Variants in MSANTD5 observed in about 807,000 individuals in gnomAD.
MSANTD5 encodes the protein Myb/SANT DNA binding domain containing 5, also known as uncharacterized protein MSANTD5.
chr5:178,694,315 C>CAAA (rs56778816), downstream of MSANTD5, among the ~76,000 whole-genome samples: 50 of 61,480 alleles, frequency 8.1e-4, no homozygotes, highest in East Asian at 1.5e-3. Flanking sequence ...GACTCCATCT[C>CAAA]AAAAAAAAAA....
the MSANTD5 span, among the ~76,000 whole-genome samples, chr5:178,703,312 C>T: frequency 3.3e-5 from 5 of 152,164 alleles, no homozygotes; most frequent in African/African-American, 4.8e-5. Flanking sequence ...CAGTGTGATG[C>T]GCTTGGCTTG....
At chr5:178,698,062 G>C (rs374638650), upstream of MSANTD5, among the ~76,000 whole-genome samples, 8 of 152,232 alleles carry the variant, frequency 5.3e-5, 1 homozygote, top group South Asian at 1.2e-3. Context: ...GGTCAGCTTT[G>C]TCCTTAGGGT....
At chr5:178,701,402 G>A (rs1376284237), upstream of MSANTD5, among the ~76,000 whole-genome samples, 1 of 152,022 alleles carries the variant, frequency 6.6e-6, no homozygotes, top group African/African-American at 2.4e-5. Flanking sequence ...AGGGCAACAA[G>A]GTCGAATACT....
At chr5:178,692,772 T>G (rs1765370081), downstream of MSANTD5, among the ~76,000 whole-genome samples, 3 of 151,912 alleles carry the variant, frequency 2.0e-5, no homozygotes. Context: ...TGCCAGGAGT[T>G]AAGGAGGGGC....
chr5:178,692,691 T>C (rs1765369312), downstream of MSANTD5, among the ~76,000 whole-genome samples: 1 of 152,034 alleles, frequency 6.6e-6, no homozygotes, highest in East Asian at 1.9e-4. Context: ...AAAGGCTACA[T>C]ACCGTACAAT....
chr5:178,706,985 C>T, the MSANTD5 span: 1 of 152,170 alleles, frequency 6.6e-6, no homozygotes, highest in African/African-American at 2.4e-5. Flanking sequence ...TCCAAGTAAA[C>T]AGATCTCAGC....
chr5:178,695,724 TGAG>T (rs1289031552), intron 2 of MSANTD5, 126 bp from the exon 3 acceptor site: 1 of 152,200 alleles, frequency 6.6e-6, no homozygotes, highest in African/African-American at 2.4e-5. Flanking sequence ...GGACCTTAAA[TGAG>T]AAGTGAGAGA....
upstream of MSANTD5, among the ~76,000 whole-genome samples, chr5:178,699,263 C>T (rs1224165613): frequency 6.6e-6 from 1 of 152,200 alleles, no homozygotes; most frequent in African/African-American, 2.4e-5. Context: ...TGTTCACCCC[C>T]AGCATCACCT....
At chr5:178,694,672 A>G (rs1037466098) in exon 4 of MSANTD5, 6 of 152,222 alleles carry the variant, frequency 3.9e-5, no homozygotes, top group African/African-American at 1.4e-4. Context: ...TTTCTGATGA[A>G]TCAGGATCCA....
upstream of MSANTD5, among the ~76,000 whole-genome samples, chr5:178,699,236 G>T (rs1157665627): frequency 6.6e-6 from 1 of 152,178 alleles, no homozygotes; most frequent in Non-Finnish European, 1.5e-5. Context: ...GCATCTAGCA[G>T]GAGCCTGCAC....
upstream of MSANTD5, among the ~76,000 whole-genome samples, chr5:178,702,229 G>A (rs1176695525): frequency 6.6e-6 from 1 of 151,584 alleles, no homozygotes; most frequent in African/African-American, 2.4e-5. Flanking sequence ...GAGCAATGAA[G>A]TATTATGCAA....
At chr5:178,699,985 C>T (rs1466251609), upstream of MSANTD5, among the ~76,000 whole-genome samples, 2 of 152,044 alleles carry the variant, frequency 1.3e-5, no homozygotes, top group East Asian at 3.9e-4. Flanking sequence ...AGCTTCAGAT[C>T]AAGCTGATTT....
chr5:178,692,534 C>T (rs115980317), downstream of MSANTD5, among the ~76,000 whole-genome samples: 2,303 of 152,016 alleles, frequency 0.015, 94 homozygotes, highest in African/African-American at 0.053. Flanking sequence ...GGAAACATCC[C>T]GGATGTCATC....
chr5:178,695,962 G>A (rs1765408209), intron 2 of MSANTD5, 135 bp downstream of exon 2: 1 of 152,252 alleles, frequency 6.6e-6, no homozygotes, highest in East Asian at 1.9e-4. Flanking sequence ...AGGGAGCTTA[G>A]GGGATGCTGA....
chr5:178,705,007 G>A, the MSANTD5 span, among the ~76,000 whole-genome samples: 1 of 152,114 alleles, frequency 6.6e-6, no homozygotes, highest in Non-Finnish European at 1.5e-5. Context: ...AAGAGGCCAT[G>A]ACTTGCAGTG....
chr5:178,700,681 C>T (rs532574466), upstream of MSANTD5, among the ~76,000 whole-genome samples: 8 of 90,792 alleles, frequency 8.8e-5, no homozygotes, highest in Non-Finnish European at 1.8e-4. Flanking sequence ...ATCCCGAGCA[C>T]GAGGAGCTCA....
the MSANTD5 span, among the ~76,000 whole-genome samples, chr5:178,706,669 C>G: frequency 6.6e-6 from 1 of 151,222 alleles, no homozygotes; most frequent in South Asian, 2.1e-4. Context: ...GGGGAATGTC[C>G]TTCCTCCAGC....
At chr5:178,696,921 G>A (rs909735054) in intron 1 of MSANTD5, among the ~76,000 whole-genome samples, 2 of 152,138 alleles carry the variant, frequency 1.3e-5, no homozygotes, top group African/African-American at 4.8e-5. Context: ...GAAAGGAGCA[G>A]GCTGGAAAGT....
upstream of MSANTD5, among the ~76,000 whole-genome samples, chr5:178,701,774 T>TTGCTCTTTTTGTCCAGGCTGGAGTTC: frequency 6.7e-6 from 1 of 149,150 alleles, no homozygotes; most frequent in Non-Finnish European, 1.5e-5. Flanking sequence ...AGATGGAGTT[T>TTGCTCTTTTTGTCCAGGCTGGAGTTC]TGCTCTTTTT....
Sources: gnomAD v4.1 joint callset for allele counts (sites outside exome capture counted in the v4.1 genomes callset) on GRCh38, gnomAD v4.1.1 for gene constraint, MANE v1.5 for transcripts, NCBI Gene and HGNC (gene_info 2026-07-23, HGNC 2026-07-21) for gene names.